HIP1: variants seen among roughly 807,000 people sequenced by gnomAD.
HIP1 encodes the protein huntingtin interacting protein 1.
In HIP1, 65 loss-of-function variants were observed where a neutral mutation model predicts 147.6. The ratio of observed to expected loss-of-function variants is 0.44; its 90% CI spans 0.36 to 0.54. The LOEUF (loss-of-function observed/expected upper bound fraction) is 0.54, where lower values mean the gene tolerates loss of function less well. HIP1 is among the 20% of genes least tolerant of loss of function. The pLI is 0.00. For synonymous variants in HIP1, 479 were observed against 504.0 expected, an observed-to-expected ratio of 0.95 and a Z score of 0.67; for missense variants, 1,061 against 1,299.6, an observed-to-expected ratio of 0.82 and a Z score of 2.82.
chr7:75,548,787 G>C (rs895092643), intron 23 of HIP1, 104 bp downstream of exon 23: 2 of 875,770 alleles, frequency 2.3e-6, no homozygotes, highest in Non-Finnish European at 3.8e-6. Flanking sequence ...GTCTTAGGGG[G>C]TTGCCATGGC....
intron 2 of HIP1, among the ~76,000 whole-genome samples, chr7:75,597,450 G>C (rs73702653): frequency 0.01 from 1,528 of 152,246 alleles, 28 homozygotes; most frequent in African/African-American, 0.035. Flanking sequence ...GCTGGGTGCG[G>C]CCTCCGAAGT....
At position 75,581,233 on chromosome 7, in the gene HIP1, T is replaced by A; in HGVS notation, c.604+4A>T. 1 of 1,607,010 alleles carries A rather than the reference T, an allele frequency of 6.2e-7. No homozygotes were observed. Among genetic ancestry groups the A allele is most frequent in the Non-Finnish European group, 8.5e-7 (1 of 1,175,192 alleles). The stretch of plus-strand genomic sequence containing the variant: ...CTGGGTTAGACGGGAGGGAAGAGAC[T>A]CACCTGTTTGGAAGAGGTTGAGTTC... On this transcript the variant is annotated splice_donor_region_variant and intron_variant, in intron 7 of 30. Transcript: ENST00000336926.
chr7:75,602,873 G>A (rs1797060183), intron 1 of HIP1, among the ~76,000 whole-genome samples: 1 of 133,110 alleles, frequency 7.5e-6, no homozygotes, highest in East Asian at 2.3e-4. Context: ...AATTAGTTAA[G>A]ATGAGGTCAC....
intron 1 of HIP1, among the ~76,000 whole-genome samples, chr7:75,664,283 CACAT>C (rs1254992720): frequency 5.2e-5 from 7 of 133,736 alleles, no homozygotes; most frequent in African/African-American, 1.1e-4. Context: ...CATATATACA[CACAT>C]ATATGTATGT....
chr7:75,651,217 T>C (rs1229572712), intron 1 of HIP1, among the ~76,000 whole-genome samples: 3 of 151,578 alleles, frequency 2.0e-5, no homozygotes, highest in Non-Finnish European at 4.4e-5. Flanking sequence ...CCCAGCACTT[T>C]GGGAGGCAGA....
At chr7:75,664,163 T>A (rs1484062874) in intron 1 of HIP1, among the ~76,000 whole-genome samples, 1 of 64,312 alleles carries the variant, frequency 1.6e-5, no homozygotes, top group African/African-American at 9.1e-5. Flanking sequence ...TGTGTGTATA[T>A]TTACATACAT....
At chr7:75,659,982 T>G (rs1194200009) in intron 1 of HIP1, among the ~76,000 whole-genome samples, 1 of 149,798 alleles carries the variant, frequency 6.7e-6, no homozygotes, top group African/African-American at 2.5e-5. Context: ...AAAAATTAGC[T>G]GGGCATGGTG....
chr7:75,547,892 A>G (rs1794631496), intron 23 of HIP1, 79 bp from the exon 24 acceptor site: 1 of 1,293,708 alleles, frequency 7.7e-7, no homozygotes, highest in Non-Finnish European at 1.1e-6. Context: ...TTTCAGTCCA[A>G]CATCGTGTGG....
chr7:75,678,619 C>T lies in HIP1; in HGVS notation c.120+60182G>A, dbSNP rs143163894. 3.0e-4 allele frequency among the ~76,000 whole-genome samples: 45 copies of T among 152,318 alleles called. No individual in the cohort carries two copies. The East Asian group carries it at 8.5e-3, about 29-fold the overall frequency. ...TCGGCCTCCCAAAGTGCTGGGATTA[C>T]AGGTGTGAGCCACTGCGTCTGGCCT... On this transcript the variant is annotated intron_variant, in intron 1 of 30. Coordinates refer to ENST00000336926, the MANE Select transcript of HIP1 (RefSeq NM_005338.7).
At chr7:75,575,091 G>A (rs1400495985) in intron 7 of HIP1, among the ~76,000 whole-genome samples, 1 of 152,010 alleles carries the variant, frequency 6.6e-6, no homozygotes, top group Non-Finnish European at 1.5e-5. Flanking sequence ...CCAGGAGGTG[G>A]AGGCTGCAGT....
chr7:75,542,873 G>C lies in HIP1; in HGVS notation c.2868C>G (p.Gly956=). 1 of 1,614,102 alleles carries C rather than the reference G, an allele frequency of 6.2e-7. No homozygotes were observed. Residue 956 remains glycine (G), a synonymous_variant, in exon 28 of 31, where the codon GGC becomes GGG. Transcript: ENST00000336926. The stretch of plus-strand genomic sequence containing the variant: ...TACCTGTCTCTTCGATCTGTGATTT[G>C]CCGGAAATGGTTGAGGCCACAACGC... ...TAGVVASTIS[G]KSQIEETDNM... is the part of the protein sequence containing the mutation.
intron 1 of HIP1, among the ~76,000 whole-genome samples, chr7:75,681,443 C>A (rs1401614878): frequency 1.3e-5 from 2 of 151,826 alleles, no homozygotes; most frequent in Non-Finnish European, 2.9e-5. Context: ...CTTCCTGCTG[C>A]CCCTAGACCA....
chr7:75,635,746 T>C (rs1798402717), intron 1 of HIP1, among the ~76,000 whole-genome samples: 1 of 151,846 alleles, frequency 6.6e-6, no homozygotes, highest in South Asian at 2.1e-4. Context: ...AGGGACGCAA[T>C]GTACAGTGGC....
Position 75,542,940 on chromosome 7 carries a change from T to G in HIP1, c.2801A>C (p.Gln934Pro), listed in dbSNP as rs1554490257. The G allele has an allele frequency of 6.2e-7, 1 of 1,613,966 alleles. No homozygotes were observed. Among genetic ancestry groups the G allele is most frequent in the South Asian group, 1.1e-5 (1 of 91,044 alleles). ...CACTCCCCGAGAGGCCTGCTGCAGCTGGGCTAGGTTGGGGCTGTCCTTATC... is the reference window on the plus strand; with the variant it reads ...CACTCCCCGAGAGGCCTGCTGCAGCGGGGCTAGGTTGGGGCTGTCCTTATC... Reference protein sequence around the residue: ...KADKDSPNLAQLQQASRGVNQ... With the variant: ...KADKDSPNLAPLQQASRGVNQ... The change falls in exon 28 of 31, where the codon CAG becomes CCG. Residue 934 changes from glutamine to proline, a missense_variant. Coordinates refer to ENST00000336926, the MANE Select transcript of HIP1 (RefSeq NM_005338.7).
At chr7:75,689,626 G>A (rs1800380401) in intron 1 of HIP1, among the ~76,000 whole-genome samples, 1 of 152,090 alleles carries the variant, frequency 6.6e-6, no homozygotes, top group Admixed American at 6.6e-5. Flanking sequence ...TAAAAATGTT[G>A]GCTGTGCCGT....
At chr7:75,573,948 C>T (rs1584817235) in intron 7 of HIP1, 47 bp from the exon 8 acceptor site, 3 of 1,571,868 alleles carry the variant, frequency 1.9e-6, no homozygotes, top group Admixed American at 3.4e-5. Context: ...CAGGGGATTA[C>T]AGGCAGCCTC....
At chr7:75,592,274 G>A (rs1796523586) in intron 3 of HIP1, 98 bp downstream of exon 3, 1 of 1,462,836 alleles carries the variant, frequency 6.8e-7, no homozygotes, top group Non-Finnish European at 9.4e-7. Context: ...AGGAGAAGGG[G>A]GCAGTGTGGG....
chr7:75,590,677 A>G (rs782080047), intron 4 of HIP1, among the ~76,000 whole-genome samples: 1 of 152,272 alleles, frequency 6.6e-6, no homozygotes, highest in Non-Finnish European at 1.5e-5. Context: ...TGTTATTTCT[A>G]AAACATAAAA....
At chr7:75,687,381 T>G (rs1554517676) in intron 1 of HIP1, among the ~76,000 whole-genome samples, 1 of 152,148 alleles carries the variant, frequency 6.6e-6, no homozygotes, top group Non-Finnish European at 1.5e-5. Context: ...TATCCTGCTG[T>G]GAATATCTAT....
Sources: gnomAD v4.1 joint callset for allele counts (sites outside exome capture counted in the v4.1 genomes callset) on GRCh38, gnomAD v4.1.1 for gene constraint, MANE v1.5 for transcripts, NCBI Gene and HGNC (gene_info 2026-07-23, HGNC 2026-07-21) for gene names.